Variants in CDH11 observed in about 807,000 individuals in gnomAD.
CDH11 encodes the protein cadherin 11.
CDH11 carries 11 observed loss-of-function variants against 67.8 expected under a neutral mutation model. The observed-to-expected ratio is 0.16, with a 90% CI of 0.10 to 0.27. The LOEUF (loss-of-function observed/expected upper bound fraction) is 0.27. Among genes scored for constraint, CDH11 ranks in the 10% least tolerant of loss-of-function variants. The pLI is 1.00. For synonymous variants in CDH11, 419 were observed against 400.0 expected, an observed-to-expected ratio of 1.05 and a Z score of -0.57; for missense variants, 847 against 1,031.2, an observed-to-expected ratio of 0.82 and a Z score of 2.45.
At chr16:65,045,059 T>C (rs2073931301) in intron 2 of CDH11, among the ~76,000 whole-genome samples, 1 of 151,744 alleles carries the variant, frequency 6.6e-6, no homozygotes. Context: ...CTGAAACCAC[T>C]AGCAAGATAA....
At chr16:65,066,796 CTG>C (rs2074319673) in intron 1 of CDH11, among the ~76,000 whole-genome samples, 1 of 152,260 alleles carries the variant, frequency 6.6e-6, no homozygotes, top group African/African-American at 2.4e-5. Context: ...AGCAGAAACT[CTG>C]TCATCTGCAT....
chr16:64,972,162 T>C (rs2072024980), intron 9 of CDH11, 98 bp from the exon 10 acceptor site: 1 of 1,047,402 alleles, frequency 9.5e-7, no homozygotes, highest in Non-Finnish European at 1.5e-6. Context: ...GCCACCTATC[T>C]GGGCAGTGCA....
intron 2 of CDH11, among the ~76,000 whole-genome samples, chr16:65,020,566 A>G (rs2073403573): frequency 1.3e-5 from 2 of 152,102 alleles, no homozygotes; most frequent in South Asian, 2.1e-4. Flanking sequence ...CCCGACCTCA[A>G]GTGATCCACC....
chr16:64,976,820 C>A (rs1290177951), intron 8 of CDH11, among the ~76,000 whole-genome samples: 5 of 151,802 alleles, frequency 3.3e-5, no homozygotes, highest in Non-Finnish European at 2.9e-5. Context: ...TGCACTCCAG[C>A]CTGGGCAACA....
intron 1 of CDH11, among the ~76,000 whole-genome samples, chr16:65,095,408 T>C (rs554464322): frequency 1.3e-5 from 2 of 152,322 alleles, no homozygotes; most frequent in South Asian, 4.1e-4. Flanking sequence ...AGGAAAAATA[T>C]ATAGTTTACT....
chr16:65,064,910 C>T (rs1201236717), intron 1 of CDH11, among the ~76,000 whole-genome samples: 2 of 152,200 alleles, frequency 1.3e-5, no homozygotes, highest in Admixed American at 6.5e-5. Context: ...GGATCCATGG[C>T]ACCACAATTA....
At chr16:65,122,210 G>C (rs1437691885), upstream of CDH11, 7 of 523,840 alleles carry the variant, frequency 1.3e-5, no homozygotes, top group Non-Finnish European at 2.0e-5. Context: ...CCGAGGCTGC[G>C]AGAGGCAGCG....
At chr16:65,083,646 G>T (rs541673390) in intron 1 of CDH11, among the ~76,000 whole-genome samples, 155 of 152,278 alleles carry the variant, frequency 1.0e-3, no homozygotes, top group African/African-American at 3.6e-3. Flanking sequence ...TTCTGACAAA[G>T]CAGTGACCAA....
intron 11 of CDH11, among the ~76,000 whole-genome samples, chr16:64,962,470 T>C (rs1481594511): frequency 6.6e-6 from 1 of 152,048 alleles, no homozygotes; most frequent in Non-Finnish European, 1.5e-5. Context: ...GAACCAGTGC[T>C]GGGGTAGAAA....
intron 2 of CDH11, among the ~76,000 whole-genome samples, chr16:65,010,954 T>C (rs1294274581): frequency 2.5e-5 from 3 of 118,068 alleles, no homozygotes; most frequent in South Asian, 2.6e-4. Flanking sequence ...ATGTGTGACA[T>C]ATATATATAT....
At chr16:65,021,569 C>CACATATATATATATATAT (rs4048808) in intron 2 of CDH11, among the ~76,000 whole-genome samples, 3 of 138,998 alleles carry the variant, frequency 2.2e-5, no homozygotes, top group Non-Finnish European at 4.6e-5. Flanking sequence ...CACACACACA[C>CACATATATATATATATAT]ATATATATAT....
chr16:65,069,115 A>G (rs898246467), intron 1 of CDH11, among the ~76,000 whole-genome samples: 7 of 152,234 alleles, frequency 4.6e-5, no homozygotes, highest in Non-Finnish European at 8.8e-5. Context: ...TTACATTCCC[A>G]TAAAGTTACA....
chr16:65,104,756 A>G (rs1227608119), intron 1 of CDH11, among the ~76,000 whole-genome samples: 1 of 152,188 alleles, frequency 6.6e-6, no homozygotes, highest in Non-Finnish European at 1.5e-5. Context: ...GTCCCCATTT[A>G]TATTGCTGTT....
At chr16:65,019,161 A>C (rs1454821535) in intron 2 of CDH11, among the ~76,000 whole-genome samples, 1 of 152,216 alleles carries the variant, frequency 6.6e-6, no homozygotes, top group Non-Finnish European at 1.5e-5. Context: ...AAGAACCCAA[A>C]TATGTCATTT....
chr16:64,974,566 T>C (rs1185931475), intron 8 of CDH11, among the ~76,000 whole-genome samples: 4 of 152,146 alleles, frequency 2.6e-5, no homozygotes, highest in Non-Finnish European at 5.9e-5. Context: ...CTTCACAGTA[T>C]ACAAACATGA....
At chr16:65,122,145 C>A (rs867284060), upstream of CDH11, 16 of 120,446 alleles carry the variant, frequency 1.3e-4, no homozygotes, top group Middle Eastern at 6.0e-3. Context: ...GCGGGGGGGG[C>A]GGGAGGAGGG....
chr16:65,025,806 T>A (rs2073522289), intron 2 of CDH11, among the ~76,000 whole-genome samples: 1 of 152,194 alleles, frequency 6.6e-6, no homozygotes, highest in East Asian at 1.9e-4. Flanking sequence ...TACATAGGCA[T>A]CCTTGTTTAT....
At chr16:64,994,920 T>C (rs546617681) in intron 4 of CDH11, among the ~76,000 whole-genome samples, 1 of 151,840 alleles carries the variant, frequency 6.6e-6, no homozygotes, top group African/African-American at 2.4e-5. Context: ...TCAATAACAC[T>C]CAAGCTGAGG....
chr16:65,019,740 T>C (rs1241585136), intron 2 of CDH11, among the ~76,000 whole-genome samples: 1 of 152,148 alleles, frequency 6.6e-6, no homozygotes, highest in Admixed American at 6.5e-5. Flanking sequence ...ATTTAATTTA[T>C]AGAAATATTG....
Sources: gnomAD v4.1 joint callset for allele counts (sites outside exome capture counted in the v4.1 genomes callset) on GRCh38, gnomAD v4.1.1 for gene constraint, MANE v1.5 for transcripts, NCBI Gene and HGNC (gene_info 2026-07-23, HGNC 2026-07-21) for gene names.